Variants in FAM114A2 observed in about 807,000 individuals in gnomAD.
FAM114A2 encodes the protein protein FAM114A2.
Under a neutral mutation model 58.4 loss-of-function variants are expected in FAM114A2, and 53 were observed. The ratio of observed to expected loss-of-function variants is 0.91; its 90% CI spans 0.73 to 1.14. FAM114A2 has a LOEUF of 1.14. FAM114A2 is among the 50% of genes most tolerant of loss of function. FAM114A2 has a pLI of 0.00. For missense variants in FAM114A2, 601 were observed against 581.1 expected, an observed-to-expected ratio of 1.03 and a Z score of -0.35; for synonymous variants, 228 against 211.4, an observed-to-expected ratio of 1.08 and a Z score of -0.68.
Position 154,002,157 on chromosome 5 carries a change from T to C in FAM114A2, c.1256+94A>G, listed in dbSNP as rs1581770482. ...AATATGTGGATGGGTGTGACGTGAA[T>C]GGTTTCTTGAGAGAGACGTTTATAA... is the stretch of plus-strand genomic sequence containing the variant. On this transcript the variant is annotated intron_variant, in intron 11 of 13. Transcript: ENST00000351797. 9 of 1,195,644 alleles carry C rather than the reference T, an allele frequency of 7.5e-6. No homozygotes were observed. In the East Asian group the frequency reaches 1.4e-4, roughly 19 times the overall value. 74.1% of individuals were successfully genotyped at this position (1,195,644 alleles called of 1,614,324 possible).
At chr5:153,994,335 G>C (rs186113172) in intron 13 of FAM114A2, among the ~76,000 whole-genome samples, 1 of 152,238 alleles carries the variant, frequency 6.6e-6, no homozygotes, top group Non-Finnish European at 1.5e-5. Context: ...TGCACAGTTA[G>C]TTTACAAGGT....
At chr5:153,998,623 A>T (rs1189480912) in intron 11 of FAM114A2, among the ~76,000 whole-genome samples, 1 of 152,204 alleles carries the variant, frequency 6.6e-6, no homozygotes, top group Non-Finnish European at 1.5e-5. Flanking sequence ...AGTCAAGCAG[A>T]TGCCACTGCT....
chr5:154,031,030 G>A (rs922517756), intron 4 of FAM114A2, among the ~76,000 whole-genome samples: 15 of 152,028 alleles, frequency 9.9e-5, no homozygotes, highest in African/African-American at 3.4e-4. Context: ...AAAAAGTCTT[G>A]GCCAGACACA....
chr5:154,013,484 G>C (rs999427541), intron 8 of FAM114A2, among the ~76,000 whole-genome samples: 1 of 152,146 alleles, frequency 6.6e-6, no homozygotes, highest in Non-Finnish European at 1.5e-5. Context: ...GGGAAGGCTG[G>C]GGCACAGTGA....
intron 4 of FAM114A2, among the ~76,000 whole-genome samples, chr5:154,030,323 A>T (rs1204235729): frequency 1.3e-5 from 2 of 152,228 alleles, no homozygotes; most frequent in Non-Finnish European, 2.9e-5. Context: ...TAGGAGAACA[A>T]CCATTATACC....
Position 154,019,663 on chromosome 5 carries a change from T to C in FAM114A2, c.913+6736A>G, listed in dbSNP as rs545635078. The stretch of plus-strand genomic sequence containing the variant: ...TAAGACCATAGTCACCAAAACAGCA[T>C]GGTATTAGTATAAAAACAGGCACGT... On this transcript the variant is annotated intron_variant, in intron 8 of 13. Transcript: ENST00000351797. Among the ~76,000 whole-genome samples, 17 of 152,250 alleles carry C rather than the reference T, an allele frequency of 1.1e-4. No homozygotes were observed. In the South Asian group the frequency reaches 3.3e-3, roughly 30 times the overall value.
Position 153,993,067 on chromosome 5 carries a change from A to C in FAM114A2, c.1427T>G (p.Leu476Arg). ...GAGAGAGATCTCTAGCACAGGTAAGAGTAGCTGAAAGGCGTCCTGGATGTA... is the reference window on the plus strand; with the variant it reads ...GAGAGAGATCTCTAGCACAGGTAAGCGTAGCTGAAAGGCGTCCTGGATGTA... ...ASYIQDAFQL[L>R]LPVLEISLIE... is the part of the protein sequence containing the mutation. Residue 476 changes from leucine to arginine, a missense_variant, in exon 14 of 14, where the codon CTC becomes CGC. Physicochemically the swap from Leu to Arg is moderately radical, Grantham distance 102 (BLOSUM62 -2). Coordinates refer to ENST00000351797, the MANE Select transcript of FAM114A2 (RefSeq NM_018691.4). The C allele has an allele frequency of 6.2e-7, 1 of 1,613,040 alleles. No homozygotes were observed. The highest frequency in any genetic ancestry group is 8.5e-7 in the Non-Finnish European group (1 of 1,179,196).
chr5:154,005,612 G>T (rs148963866), intron 9 of FAM114A2, among the ~76,000 whole-genome samples: 1 of 152,178 alleles, frequency 6.6e-6, no homozygotes, highest in Non-Finnish European at 1.5e-5. Context: ...TTCCTGAATA[G>T]AGCCATGCCT....
At position 154,002,286 on chromosome 5, in the gene FAM114A2, T is replaced by C; in HGVS notation, c.1221A>G (p.Glu407=). ...AALVLHGRKQ[E]VTAIERSQTL... The stretch of plus-strand genomic sequence containing the variant: ...TTTGGCTCCTTTCTATGGCTGTCAC[T>C]TCCTGCTTCCTGCCATGCAGAACCA... Residue 407 remains glutamate (E), a synonymous_variant, in exon 11 of 14, where the codon GAA becomes GAG. Coordinates refer to ENST00000351797, the MANE Select transcript of FAM114A2 (RefSeq NM_018691.4). The C allele has an allele frequency of 6.2e-7, 1 of 1,614,044 alleles. No individual in the cohort carries two copies. The highest frequency in any genetic ancestry group is 8.5e-7 in the Non-Finnish European group (1 of 1,179,876).
chr5:154,027,381 AAGGG>A, intron 6 of FAM114A2, 47 bp from the exon 7 acceptor site: 1 of 1,531,576 alleles, frequency 6.5e-7, no homozygotes, highest in Non-Finnish European at 8.9e-7. Context: ...ATGAGAGCTC[AAGGG>A]TGAGTTCTGA....
At chr5:154,004,864 C>G (rs1770249736) in intron 9 of FAM114A2, among the ~76,000 whole-genome samples, 1 of 152,176 alleles carries the variant, frequency 6.6e-6, no homozygotes, top group Admixed American at 6.5e-5. Context: ...GCTGACCATT[C>G]CTCTTTCCTT....
rs983964758 is a variant in FAM114A2, at chr5:153,995,245, C to A, written c.1330-273G>T. On this transcript the variant is annotated intron_variant, in intron 12 of 13. Transcript: ENST00000351797. ...AAAGTATCTTCATTTGACCACAAAA[C>A]CTTAGAACCATTTTAAAACAAAACA... The A allele has an allele frequency of 1.4e-5, 4 of 290,974 alleles. No individual in the cohort carries two copies. The Admixed American group carries it at 1.4e-4, about 10-fold the overall frequency. The allele number at this position is 290,974 out of a possible 1,614,324, so 18.0% of individuals were successfully genotyped here. A position where few individuals can be genotyped will look rare whatever the true frequency, so the allele number is the denominator to read the frequency against.
At chr5:154,020,722 G>A (rs1267007264) in intron 8 of FAM114A2, among the ~76,000 whole-genome samples, 3 of 152,170 alleles carry the variant, frequency 2.0e-5, no homozygotes, top group African/African-American at 4.8e-5. Flanking sequence ...AAGGGACAAA[G>A]AGGAGCTGTT....
chr5:154,034,308 A>G lies in FAM114A2; in HGVS notation c.280T>C (p.Ser94Pro), dbSNP rs759926497. The G allele has an allele frequency of 1.9e-5, 31 of 1,597,564 alleles. No individual in the cohort carries two copies. Among genetic ancestry groups the G allele is most frequent in the Non-Finnish European group, 2.6e-5 (30 of 1,171,626 alleles). ...YWGSWGKSILSSASATVATVG... is the reference protein window; with the variant it reads ...YWGSWGKSILPSASATVATVG... ...GTAGCTACTGTAGCCGAGGCTGAGG[A>G]GAGTATGGACTTGCCCCAGCTCCCC... The change falls in exon 3 of 14, where the codon TCC becomes CCC. Residue 94 changes from serine to proline, a missense_variant. Ser to Pro is a moderately conservative substitution (Grantham distance 74). Transcript: ENST00000351797.
intron 12 of FAM114A2, chr5:153,995,306 G>T: frequency 5.3e-6 from 1 of 188,084 alleles, no homozygotes; most frequent in Non-Finnish European, 1.1e-5. Context: ...AAACTCAAGG[G>T]TCTTTAACAC....
chr5:154,011,710 T>C (rs974799221), intron 8 of FAM114A2, among the ~76,000 whole-genome samples: 2 of 151,822 alleles, frequency 1.3e-5, no homozygotes, highest in African/African-American at 4.9e-5. Context: ...GGTGACAGCA[T>C]AGACTAAGCA....
At position 153,993,006 on chromosome 5, in the gene FAM114A2, C is replaced by A; in HGVS notation, c.1488G>T (p.Leu496=). Residue 496 remains leucine (L), a synonymous_variant, in exon 14 of 14, where the codon CTG becomes CTT. Transcript: ENST00000351797. ...ENKIESHRHE[L]QGQKPLLEH Reference sequence around the variant, plus strand: ...GTTCTAACAAAGGTTTCTGGCCCTGCAGCTCATGTCTGTGTGATTCAATCT... The same window carrying A: ...GTTCTAACAAAGGTTTCTGGCCCTGAAGCTCATGTCTGTGTGATTCAATCT... 3.7e-6 allele frequency: 6 copies of A among 1,611,840 alleles called. No homozygotes were observed. The highest frequency in any genetic ancestry group is 5.1e-6 in the Non-Finnish European group (6 of 1,178,586).
intron 8 of FAM114A2, among the ~76,000 whole-genome samples, chr5:154,026,024 G>A (rs78890027): frequency 0.038 from 5,732 of 152,274 alleles, 276 homozygotes; most frequent in African/African-American, 0.11. Flanking sequence ...GAGTCAGAGA[G>A]GCAGAGGTAA....
intron 12 of FAM114A2, among the ~76,000 whole-genome samples, chr5:153,995,839 T>C (rs998137592): frequency 6.6e-6 from 1 of 152,096 alleles, no homozygotes; most frequent in African/African-American, 2.4e-5. Flanking sequence ...TTTAACTACT[T>C]CTCTCCCACC....
Sources: gnomAD v4.1 joint callset for allele counts (sites outside exome capture counted in the v4.1 genomes callset) on GRCh38, gnomAD v4.1.1 for gene constraint, MANE v1.5 for transcripts, NCBI Gene and HGNC (gene_info 2026-07-23, HGNC 2026-07-21) for gene names.